Variants in CDH18 observed in about 807,000 individuals in gnomAD.
CDH18 encodes cadherin 18.
Under a neutral mutation model 67.9 loss-of-function variants are expected in CDH18, and 31 were observed. That is an observed-to-expected ratio of 0.46 (90% confidence interval 0.34 to 0.62). CDH18 has a LOEUF of 0.62. Among genes scored for constraint, CDH18 ranks in the 20% least tolerant of loss-of-function variants. CDH18 has a pLI of 0.01. For synonymous variants in CDH18, 362 were observed against 347.2 expected (o/e 1.04, Z -0.48); for missense variants, 890 against 975.5 (o/e 0.91, Z 1.17).
At chr5:20,266,133 C>A (rs1436735546) in intron 1 of CDH18, among the ~76,000 whole-genome samples, 1 of 152,204 alleles carries the variant, frequency 6.6e-6, no homozygotes, top group Non-Finnish European at 1.5e-5. Flanking sequence ...ACAATACCAT[C>A]TTTCCTCAGT....
intron 1 of CDH18, among the ~76,000 whole-genome samples, chr5:20,347,333 CCACA>C (rs1328868090): frequency 6.6e-6 from 1 of 152,140 alleles, no homozygotes; most frequent in East Asian, 1.9e-4. Context: ...CTCTTGACTG[CCACA>C]CAAACAATGT....
intron 4 of CDH18, among the ~76,000 whole-genome samples, chr5:19,740,730 T>C (rs990499033): frequency 6.6e-6 from 1 of 152,164 alleles, no homozygotes; most frequent in Non-Finnish European, 1.5e-5. Context: ...AAAAACCAAG[T>C]ATCATTTCAT....
chr5:20,131,834 G>C (rs1749293873), intron 2 of CDH18, among the ~76,000 whole-genome samples: 1 of 151,878 alleles, frequency 6.6e-6, no homozygotes, highest in Non-Finnish European at 1.5e-5. Flanking sequence ...ACTTTATTCT[G>C]TTCTAATGAT....
intron 2 of CDH18, among the ~76,000 whole-genome samples, chr5:20,119,378 C>A (rs1312564890): frequency 6.6e-6 from 1 of 152,030 alleles, no homozygotes; most frequent in Non-Finnish European, 1.5e-5. Context: ...TATATGTTGC[C>A]TTTCCACTAA....
intron 2 of CDH18, among the ~76,000 whole-genome samples, chr5:19,907,497 G>T (rs998650270): frequency 2.6e-5 from 4 of 151,870 alleles, no homozygotes; most frequent in Non-Finnish European, 5.9e-5. Context: ...AATTTTGACT[G>T]CAACTGATCA....
chr5:20,100,377 T>A (rs1746351084), intron 2 of CDH18, among the ~76,000 whole-genome samples: 1 of 152,172 alleles, frequency 6.6e-6, no homozygotes, highest in Non-Finnish European at 1.5e-5. Context: ...ACAATAAAAT[T>A]GTCATAAAAC....
chr5:19,842,102 C>A (rs900602032), intron 2 of CDH18, among the ~76,000 whole-genome samples: 4 of 152,270 alleles, frequency 2.6e-5, no homozygotes, highest in Admixed American at 1.3e-4. Flanking sequence ...GTGATTGAGA[C>A]CAATACAATA....
intron 2 of CDH18, among the ~76,000 whole-genome samples, chr5:19,936,344 T>A (rs2150215652): frequency 6.6e-6 from 1 of 151,444 alleles, no homozygotes; most frequent in East Asian, 1.9e-4. Context: ...TTATAAATGA[T>A]GTTTGTTTCT....
chr5:20,076,560 G>A (rs1328354513), intron 2 of CDH18, among the ~76,000 whole-genome samples: 6 of 150,176 alleles, frequency 4.0e-5, no homozygotes, highest in African/African-American at 1.5e-4. Context: ...AAAAAAGGCA[G>A]ACCATATTGT....
chr5:20,531,099 A>G (rs1041180782), intron 1 of CDH18, among the ~76,000 whole-genome samples: 1 of 152,154 alleles, frequency 6.6e-6, no homozygotes, highest in South Asian at 2.1e-4. Context: ...GACACTTCTC[A>G]AAAGAAGACT....
chr5:19,812,054 T>A (rs1291473131), intron 3 of CDH18, among the ~76,000 whole-genome samples: 2 of 152,126 alleles, frequency 1.3e-5, no homozygotes, highest in Non-Finnish European at 2.9e-5. Context: ...AAGTACTTTA[T>A]AAAACAAAGA....
intron 5 of CDH18, among the ~76,000 whole-genome samples, chr5:19,616,908 G>A (rs538023689): frequency 6.6e-5 from 10 of 152,274 alleles, no homozygotes; most frequent in Admixed American, 6.5e-4. Context: ...CAAGCACTGA[G>A]AGGAGGATGG....
intron 2 of CDH18, among the ~76,000 whole-genome samples, chr5:19,866,204 A>G (rs540401275): frequency 9.5e-4 from 145 of 152,356 alleles, no homozygotes; most frequent in Non-Finnish European, 1.5e-3. Flanking sequence ...AGGCGTTTCT[A>G]TAATAAAACT....
At chr5:19,601,820 T>G (rs1747177335) in intron 6 of CDH18, among the ~76,000 whole-genome samples, 1 of 152,026 alleles carries the variant, frequency 6.6e-6, no homozygotes, top group African/African-American at 2.4e-5. Context: ...TTAATTTTCA[T>G]TTCCATTAAC....
intron 2 of CDH18, among the ~76,000 whole-genome samples, chr5:20,250,622 A>C (rs1446985815): frequency 2.2e-5 from 1 of 44,706 alleles, no homozygotes; most frequent in Non-Finnish European, 3.9e-5. Flanking sequence ...TTTTTTTTCG[A>C]GATTTAATCT....
chr5:20,064,524 A>C (rs1191144035), intron 2 of CDH18, among the ~76,000 whole-genome samples: 1 of 152,124 alleles, frequency 6.6e-6, no homozygotes, highest in Non-Finnish European at 1.5e-5. Context: ...ATCTCATTTT[A>C]AAATTGCTGT....
intron 2 of CDH18, among the ~76,000 whole-genome samples, chr5:19,905,492 T>C (rs1790432552): frequency 6.6e-6 from 1 of 151,836 alleles, no homozygotes; most frequent in Non-Finnish European, 1.5e-5. Context: ...ATCCAATTCA[T>C]TAAAATATAT....
chr5:20,331,142 G>A (rs1739132106), intron 1 of CDH18, among the ~76,000 whole-genome samples: 3 of 152,294 alleles, frequency 2.0e-5, no homozygotes, highest in African/African-American at 4.8e-5. Flanking sequence ...GAAGATTAAT[G>A]ATAGATCTAT....
At position 20,487,758 on chromosome 5, in the gene CDH18, C is replaced by CAT. The variant is rs35706215; in HGVS notation, c.-580+87702_-580+87703dup. The stretch of plus-strand genomic sequence containing the variant: ...TGAACATGAAACAATAAATAGCATG[C>CAT]ATATATATATATATGCTATATATAC... On this transcript the variant is annotated intron_variant, in intron 1 of 14. Coordinates refer to the CDH18 transcript ENST00000507958. Among the ~76,000 whole-genome samples, 125 of 150,278 alleles carry CAT rather than the reference C, an allele frequency of 8.3e-4. 1 individual carries two copies. Among genetic ancestry groups the CAT allele is most frequent in the African/African-American group, 2.6e-3 (108 of 40,956 alleles).
Sources: gnomAD v4.1 joint callset for allele counts (sites outside exome capture counted in the v4.1 genomes callset) on GRCh38, gnomAD v4.1.1 for gene constraint, MANE v1.5 for transcripts, NCBI Gene and HGNC (gene_info 2026-07-23, HGNC 2026-07-21) for gene names.